TMC2: variants seen among roughly 807,000 people sequenced by gnomAD.
TMC2 encodes the protein transmembrane channel like 2.
A neutral mutation model predicts 105.9 loss-of-function variants in TMC2; 102 were observed. The ratio of observed to expected loss-of-function variants is 0.96; its 90% CI spans 0.82 to 1.14. The LOEUF is 1.14. Among genes scored for constraint, TMC2 ranks in the 50% most tolerant of loss-of-function variants. The pLI is 0.00. For synonymous variants in TMC2, 402 were observed against 422.8 expected (o/e 0.95, Z 0.60); for missense variants, 1,093 against 1,134.3 (o/e 0.96, Z 0.52).
At chr20:2,584,271 C>T (rs1015747242) in intron 7 of TMC2, among the ~76,000 whole-genome samples, 4 of 150,468 alleles carry the variant, frequency 2.7e-5, no homozygotes, top group Non-Finnish European at 1.5e-5. Context: ...GGTGAAACCC[C>T]GTCTCTACTA....
rs1231985958 is a variant in TMC2 at position 2,576,939 on chromosome 20, C to G, written c.646-2207C>G. Among the ~76,000 whole-genome samples, 8 of 140,668 alleles carry G rather than the reference C, an allele frequency of 5.7e-5. No individual in the cohort carries two copies. In the South Asian group the frequency reaches 1.6e-3, roughly 28 times the overall value. 92.3% of individuals were successfully genotyped at this position (140,668 alleles called of 152,430 possible). A position where few individuals can be genotyped will look rare whatever the true frequency, so the allele number is the denominator to read the frequency against. On this transcript the variant is annotated intron_variant, in intron 5 of 19. Coordinates refer to ENST00000358864, the MANE Select transcript of TMC2 (RefSeq NM_080751.3). ...TTTTTTTTTTTTTGAGATGGAGTCT[C>G]GCTCTGTCACCCTGGCTGGAGTGCA... is the stretch of plus-strand genomic sequence containing the variant.
At chr20:2,601,625 A>C (rs1035970850) in intron 10 of TMC2, among the ~76,000 whole-genome samples, 30 of 151,842 alleles carry the variant, frequency 2.0e-4, no homozygotes, top group African/African-American at 7.3e-4. Context: ...CAGATCACCT[A>C]AGGTCAGGAG....
intron 7 of TMC2, among the ~76,000 whole-genome samples, chr20:2,583,135 G>A (rs2086206874): frequency 6.6e-6 from 1 of 152,196 alleles, no homozygotes; most frequent in Non-Finnish European, 1.5e-5. Context: ...AAAAGCTTCT[G>A]TGGAAAGCAG....
intron 16 of TMC2, among the ~76,000 whole-genome samples, chr20:2,622,774 C>G (rs1321305483): frequency 6.6e-6 from 1 of 152,126 alleles, no homozygotes; most frequent in Non-Finnish European, 1.5e-5. Context: ...AACTCCTCAT[C>G]TATACTTTAC....
chr20:2,536,787 G>A (rs1600090188), intron 1 of TMC2, 132 bp downstream of exon 1: 5 of 907,570 alleles, frequency 5.5e-6, no homozygotes, highest in South Asian at 2.9e-5. Context: ...TGTCCCCTGT[G>A]CGCTGAGCGA....
chr20:2,600,470 G>C (rs186546030), intron 10 of TMC2, among the ~76,000 whole-genome samples: 5 of 152,180 alleles, frequency 3.3e-5, no homozygotes, highest in Admixed American at 6.5e-5. Context: ...CTGAGGTCAG[G>C]AGTTTGAGAT....
chr20:2,607,330 T>A (rs1327742336), intron 11 of TMC2, among the ~76,000 whole-genome samples: 1 of 152,114 alleles, frequency 6.6e-6, no homozygotes, highest in Non-Finnish European at 1.5e-5. Context: ...ATCTAGACCT[T>A]CCCATTCCTT....
intron 8 of TMC2, 138 bp from the exon 9 acceptor site, chr20:2,594,687 A>G (rs988082248): frequency 1.2e-6 from 1 of 858,248 alleles, no homozygotes; most frequent in East Asian, 2.6e-5. Flanking sequence ...GGGAAGAACA[A>G]GAACATCTGG....
chr20:2,610,832 A>G (rs2086432612), intron 12 of TMC2, among the ~76,000 whole-genome samples: 1 of 152,086 alleles, frequency 6.6e-6, no homozygotes, highest in Non-Finnish European at 1.5e-5. Flanking sequence ...CACATCATAT[A>G]CATGTCATTT....
intron 2 of TMC2, among the ~76,000 whole-genome samples, chr20:2,556,283 G>A (rs1159528254): frequency 2.6e-5 from 4 of 152,090 alleles, no homozygotes; most frequent in South Asian, 2.1e-4. Flanking sequence ...GTTTCACCAT[G>A]TTGGCCAGGC....
intron 17 of TMC2, 123 bp from the exon 18 acceptor site, chr20:2,635,803 G>A: frequency 1.1e-5 from 8 of 747,078 alleles, no homozygotes; most frequent in Non-Finnish European, 1.9e-5. Flanking sequence ...AAGATGGTAG[G>A]ACACCCACCC....
chr20:2,635,099 C>T (rs1197195842), intron 17 of TMC2, among the ~76,000 whole-genome samples: 1 of 152,200 alleles, frequency 6.6e-6, no homozygotes, highest in Non-Finnish European at 1.5e-5. Context: ...GCAAAGCATC[C>T]ACTCCAGGTG....
At chr20:2,626,011 C>T (rs779746178) in intron 17 of TMC2, among the ~76,000 whole-genome samples, 1 of 152,066 alleles carries the variant, frequency 6.6e-6, no homozygotes. Flanking sequence ...TATCCTCAGC[C>T]CTACTTTTAT....
At chr20:2,564,339 A>T (rs933674658) in intron 4 of TMC2, among the ~76,000 whole-genome samples, 2 of 151,874 alleles carry the variant, frequency 1.3e-5, no homozygotes, top group Non-Finnish European at 2.9e-5. Context: ...TTTAGTACAG[A>T]CGGGGTTTCA....
rs2086524344 is a variant in TMC2, at chr20:2,621,413, C to T, written c.2181-2858C>T. Among the ~76,000 whole-genome samples, 3 of 148,280 alleles carry T rather than the reference C, an allele frequency of 2.0e-5. No individual in the cohort carries two copies. In the Admixed American group the frequency reaches 2.0e-4, roughly 10 times the overall value. On this transcript the variant is annotated intron_variant, in intron 16 of 19. Transcript: ENST00000358864. ...AAGGAGAGGGAGGGAGATTTGACTA[C>T]AGAAAAATAGAAGGTGATGTGACCA...
chr20:2,640,499 G>C (rs1028653922), intron 19 of TMC2, among the ~76,000 whole-genome samples: 5 of 152,184 alleles, frequency 3.3e-5, no homozygotes, highest in Admixed American at 2.0e-4. Context: ...ACAGCCTCAA[G>C]TGCTGATATG....
chr20:2,537,420 C>G (rs986464943), intron 2 of TMC2, 104 bp downstream of exon 2: 3 of 966,210 alleles, frequency 3.1e-6, no homozygotes, highest in Non-Finnish European at 4.9e-6. Context: ...TCATCTCCTT[C>G]CCTCTCATTC....
intron 2 of TMC2, among the ~76,000 whole-genome samples, chr20:2,551,008 G>A (rs1330979651): frequency 6.6e-6 from 1 of 152,218 alleles, no homozygotes; most frequent in Non-Finnish European, 1.5e-5. Flanking sequence ...ACCTCGGAGT[G>A]CAAATGCTGG....
chr20:2,579,389 TTTATTTATTTA>T, intron 6 of TMC2, among the ~76,000 whole-genome samples, 162 bp downstream of exon 6: 1 of 126,818 alleles, frequency 7.9e-6, no homozygotes, highest in Admixed American at 7.3e-5. Flanking sequence ...TTATTTTTTA[TTTATTTATTTA>T]TTTATTTATT....
Sources: allele counts gnomAD v4.1 joint callset (sites outside exome capture counted in the v4.1 genomes callset), GRCh38; gene constraint gnomAD v4.1.1; transcripts MANE v1.5; gene names NCBI Gene and HGNC (gene_info 2026-07-23, HGNC 2026-07-21).